Variants in NINL observed in about 807,000 individuals in gnomAD.
The protein encoded by NINL is ninein-like protein.
Under a neutral mutation model 160.3 loss-of-function variants are expected in NINL, and 153 were observed. The observed-to-expected ratio is 0.95, with a 90% CI of 0.84 to 1.09. The LOEUF (loss-of-function observed/expected upper bound fraction) is 1.09, where lower values mean the gene tolerates loss of function less well. NINL is among the 50% of genes least tolerant of loss of function. The probability of loss-of-function intolerance (pLI) is 0.00; values close to 1 mark genes in which losing one functional copy is unlikely to be tolerated. For missense variants in NINL, 1,829 were observed against 1,764.0 expected (o/e 1.04, Z -0.66); for synonymous variants, 800 against 734.8 (o/e 1.09, Z -1.43).
intron 11 of NINL, 89 bp from the exon 12 acceptor site, chr20:25,490,074 G>A: frequency 8.4e-7 from 1 of 1,191,198 alleles, no homozygotes; most frequent in Non-Finnish European, 1.2e-6. Flanking sequence ...CTTCTCATAG[G>A]ACTGGGCATC....
chr20:25,501,284 C>T (rs776132565), intron 7 of NINL, among the ~76,000 whole-genome samples: 9 of 152,234 alleles, frequency 5.9e-5, no homozygotes, highest in Non-Finnish European at 1.2e-4. Context: ...GCCCAACCGG[C>T]CAGCCCCAGT....
At chr20:25,552,578 C>T (rs2064818186) in intron 1 of NINL, among the ~76,000 whole-genome samples, 1 of 152,230 alleles carries the variant, frequency 6.6e-6, no homozygotes, top group African/African-American at 2.4e-5. Flanking sequence ...CAGACAGAGG[C>T]ATGCTTGCTC....
chr20:25,540,371 T>C (rs1025189219), intron 1 of NINL, among the ~76,000 whole-genome samples: 1 of 152,178 alleles, frequency 6.6e-6, no homozygotes, highest in Non-Finnish European at 1.5e-5. Context: ...CCCAGAGACA[T>C]ATGACGTTGT....
intron 16 of NINL, among the ~76,000 whole-genome samples, chr20:25,478,653 T>A (rs1180202256): frequency 6.6e-6 from 1 of 152,212 alleles, no homozygotes; most frequent in African/African-American, 2.4e-5. Flanking sequence ...GCAATGTTGC[T>A]GCCGGGCACG....
chr20:25,459,402 C>T (rs2235606), intron 21 of NINL, among the ~76,000 whole-genome samples: 24,617 of 152,140 alleles, frequency 0.16, 2,225 homozygotes, highest in East Asian at 0.35. Flanking sequence ...TTCTTCAGGA[C>T]GGGGGTCACC....
intron 19 of NINL, among the ~76,000 whole-genome samples, chr20:25,465,233 T>G (rs1040749644): frequency 6.6e-6 from 1 of 152,154 alleles, no homozygotes; most frequent in Admixed American, 6.5e-5. Context: ...GGACCACTAC[T>G]GGGGCTCTTC....
At chr20:25,463,439 GTA>G (rs2062838849) in intron 19 of NINL, among the ~76,000 whole-genome samples, 1 of 152,112 alleles carries the variant, frequency 6.6e-6, no homozygotes, top group Non-Finnish European at 1.5e-5. Context: ...TCATCAAATT[GTA>G]TGTTTTGCTT....
intron 23 of NINL, among the ~76,000 whole-genome samples, chr20:25,454,956 T>C (rs1351281132): frequency 6.6e-6 from 1 of 152,194 alleles, no homozygotes; most frequent in East Asian, 1.9e-4. Flanking sequence ...ACTGCCATTA[T>C]GATAAAACCC....
At chr20:25,474,298 T>C (rs1023307002) in intron 17 of NINL, among the ~76,000 whole-genome samples, 11 of 152,196 alleles carry the variant, frequency 7.2e-5, no homozygotes, top group Non-Finnish European at 1.2e-4. Context: ...TGCCAGCACC[T>C]CATTCCTAGC....
chr20:25,459,710 C>G (rs1281695343), intron 21 of NINL, among the ~76,000 whole-genome samples: 1 of 152,136 alleles, frequency 6.6e-6, no homozygotes, highest in Admixed American at 6.5e-5. Flanking sequence ...TGGGACCGAA[C>G]CCCCACTAAT....
At chr20:25,518,074 C>G (rs181545897) in intron 2 of NINL, among the ~76,000 whole-genome samples, 59 of 152,294 alleles carry the variant, frequency 3.9e-4, no homozygotes, top group Non-Finnish European at 6.9e-4. Context: ...ACACTATCAA[C>G]AATTTTGTAA....
chr20:25,526,461 G>A lies in NINL; in HGVS notation c.127C>T (p.Gln43Ter). 6.2e-7 allele frequency: 1 copy of A among 1,614,136 alleles called. No individual in the cohort carries two copies. Among genetic ancestry groups the A allele is most frequent in the East Asian group, 2.2e-5 (1 of 44,886 alleles). The change falls in exon 2 of 24, where the codon CAG (glutamine) becomes TAG (stop). Residue 43 changes from glutamine to a stop codon, truncating the protein, a stop_gained. Coordinates refer to ENST00000278886, the MANE Select transcript of NINL (RefSeq NM_025176.6). LOFTEE classifies it high-confidence loss of function. Reference protein sequence around the residue: ...TQLCLKLHLEQQLPVLLQTLL... With the variant: ...TQLCLKLHLE ...GTCTGCAGGAGGACGGGCAGCTGCT[G>A]CTCCAGGTGAAGCTTAAGGCAGAGC...
chr20:25,508,514 CG>C (rs990183604), intron 5 of NINL, among the ~76,000 whole-genome samples: 1 of 152,236 alleles, frequency 6.6e-6, no homozygotes, highest in Non-Finnish European at 1.5e-5. Flanking sequence ...TGGGGGTTCC[CG>C]GGGTACAGGG....
chr20:25,482,201 CA>C (rs2063405774), intron 13 of NINL, 101 bp from the exon 14 acceptor site: 1 of 1,360,050 alleles, frequency 7.4e-7, no homozygotes, highest in Admixed American at 2.3e-5. Context: ...AGGTGAGGTG[CA>C]CTGTGAGGTG....
At chr20:25,539,904 A>G (rs2064632177) in intron 1 of NINL, 2 of 464,334 alleles carry the variant, frequency 4.3e-6, no homozygotes, top group Non-Finnish European at 3.8e-6. Flanking sequence ...GGACCAAGAC[A>G]TTCATCCAGC....
intron 5 of NINL, among the ~76,000 whole-genome samples, chr20:25,507,485 T>A (rs2063985613): frequency 6.6e-6 from 1 of 152,198 alleles, no homozygotes; most frequent in Admixed American, 6.5e-5. Flanking sequence ...CAGCCAGACA[T>A]GTTCCTATGG....
At chr20:25,479,889 T>A (rs2063350611) in intron 15 of NINL, among the ~76,000 whole-genome samples, 1 of 152,232 alleles carries the variant, frequency 6.6e-6, no homozygotes, top group Admixed American at 6.5e-5. Flanking sequence ...GCCACGGCGC[T>A]GCGCTGCCTC....
chr20:25,480,064 G>T, intron 15 of NINL, 97 bp downstream of exon 15: 3 of 860,402 alleles, frequency 3.5e-6, no homozygotes, highest in Non-Finnish European at 5.9e-6. Flanking sequence ...AAGGATTCCA[G>T]GGCAGACGCA....
intron 1 of NINL, among the ~76,000 whole-genome samples, chr20:25,544,174 CA>C (rs1320543307): frequency 6.8e-6 from 1 of 146,136 alleles, no homozygotes; most frequent in East Asian, 2.0e-4. Flanking sequence ...CACTTCTGTT[CA>C]CTGCCCACAA....
Sources: gnomAD v4.1 joint callset for allele counts (sites outside exome capture counted in the v4.1 genomes callset) on GRCh38, gnomAD v4.1.1 for gene constraint, MANE v1.5 for transcripts, NCBI Gene and HGNC (gene_info 2026-07-23, HGNC 2026-07-21) for gene names.